The following RIPK1 variants were observed in gnomAD, a reference collection of about 807,000 sequenced individuals.
RIPK1 encodes the protein receptor-interacting serine/threonine-protein kinase 1.
A neutral mutation model predicts 62.4 loss-of-function variants in RIPK1; 27 were observed. That is an observed-to-expected ratio of 0.43 (90% CI 0.32 to 0.60). RIPK1 has a LOEUF of 0.60. RIPK1 is among the 20% of genes least tolerant of loss of function. RIPK1 has a pLI of 0.07. For synonymous variants in RIPK1, 287 were observed against 303.2 expected, an observed-to-expected ratio of 0.95 and a Z score of 0.55; for missense variants, 735 against 831.0, an observed-to-expected ratio of 0.88 and a Z score of 1.42.
At chr6:3,084,730 A>T (rs1464287652) in intron 5 of RIPK1, among the ~76,000 whole-genome samples, 1 of 151,808 alleles carries the variant, frequency 6.6e-6, no homozygotes, top group East Asian at 1.9e-4. Flanking sequence ...AGTAGCTGGG[A>T]CTACAGGTGC....
In RIPK1 at chr6:3,080,968, A is replaced by G; in HGVS notation, c.322-11A>G. 1 of 1,612,152 alleles carries G rather than the reference A, an allele frequency of 6.2e-7. No homozygotes were observed. The highest frequency in any genetic ancestry group is 8.5e-7 in the Non-Finnish European group (1 of 1,178,892). On this transcript the variant is annotated splice_polypyrimidine_tract_variant and intron_variant, in intron 3 of 10. Transcript: ENST00000259808. Reference sequence around the variant, plus strand: ...CTTTCCATTTCATAGACTTAATATCACTTGTTTTAGATGAGTACTCCGCTT... The same window carrying G: ...CTTTCCATTTCATAGACTTAATATCGCTTGTTTTAGATGAGTACTCCGCTT...
At chr6:3,094,035 T>C (rs1760127976) in intron 7 of RIPK1, among the ~76,000 whole-genome samples, 1 of 143,034 alleles carries the variant, frequency 7.0e-6, no homozygotes. Flanking sequence ...CTGCCGCACC[T>C]AGTAACTGCA....
rs111669281 is a variant in RIPK1, at chr6:3,096,665, T to A, written c.915+7008T>A. ...AGCTCTGCCTCCTGGGTTCATACAA[T>A]TCTCCTGCCTCAGTCTCCTGAGTAG... On this transcript the variant is annotated intron_variant, in intron 7 of 10. Transcript: ENST00000259808. Among the ~76,000 whole-genome samples, 793 of 144,538 alleles carry A rather than the reference T, an allele frequency of 5.5e-3. 7 individuals are homozygous for A. The highest frequency in any genetic ancestry group is 0.02 in the African/African-American group (777 of 39,638). The allele number at this position is 144,538 out of a possible 152,430, so 94.8% of individuals were successfully genotyped here. A position where few individuals can be genotyped will look rare whatever the true frequency, so the allele number is the denominator to read the frequency against.
chr6:3,071,776 C>T (rs1561742942), intron 1 of RIPK1, among the ~76,000 whole-genome samples: 1 of 152,194 alleles, frequency 6.6e-6, no homozygotes, highest in Admixed American at 6.5e-5. Context: ...TCCCAAAGTC[C>T]AGTGGACCCA....
At chr6:3,106,270 G>A (rs545068012) in intron 9 of RIPK1, among the ~76,000 whole-genome samples, 2 of 152,192 alleles carry the variant, frequency 1.3e-5, no homozygotes, top group East Asian at 1.9e-4. Context: ...CGCAAGCATC[G>A]GGTTACAGGT....
At chr6:3,099,915 T>C (rs757835952) in intron 7 of RIPK1, among the ~76,000 whole-genome samples, 29 of 152,210 alleles carry the variant, frequency 1.9e-4, no homozygotes, top group Non-Finnish European at 3.7e-4. Context: ...TGCACCTTAG[T>C]TTATAAGAGT....
intron 7 of RIPK1, among the ~76,000 whole-genome samples, chr6:3,101,640 A>G (rs1244198215): frequency 6.6e-6 from 1 of 152,092 alleles, no homozygotes; most frequent in South Asian, 2.1e-4. Context: ...GAAAAAAAAA[A>G]CTTGAAGGAA....
chr6:3,108,503 C>A (rs192764268), intron 9 of RIPK1, among the ~76,000 whole-genome samples: 1 of 152,108 alleles, frequency 6.6e-6, no homozygotes, highest in Admixed American at 6.5e-5. Flanking sequence ...CATGTAAGCC[C>A]GCGGTGAGCG....
intron 1 of RIPK1, among the ~76,000 whole-genome samples, chr6:3,075,297 A>T (rs1201106660): frequency 6.6e-6 from 1 of 152,076 alleles, no homozygotes; most frequent in Non-Finnish European, 1.5e-5. Context: ...ATGGGTTTTT[A>T]TTCTATATTT....
Position 3,087,786 on chromosome 6 carries a change from GCC to G in RIPK1, c.839-1794_839-1793del, listed in dbSNP as rs1388286280. Among the ~76,000 whole-genome samples the G allele has an allele frequency of 5.9e-5, 3 of 51,146 alleles. No individual in the cohort carries two copies. In the East Asian group the frequency reaches 1.6e-3, roughly 28 times the overall value. 33.6% of individuals were successfully genotyped at this position (51,146 alleles called of 152,430 possible). A position where few individuals can be genotyped will look rare whatever the true frequency, so the allele number is the denominator to read the frequency against. Reference sequence around the variant, plus strand: ...CATCTCCTGACCTTGTGATCAGCCCGCCTCGGCCTCCCAAAGTGTGGGATTAC... The same window carrying G: ...CATCTCCTGACCTTGTGATCAGCCCGTCGGCCTCCCAAAGTGTGGGATTAC... On this transcript the variant is annotated intron_variant, in intron 6 of 10. Coordinates refer to ENST00000259808, the MANE Select transcript of RIPK1 (RefSeq NM_001354930.2).
intron 7 of RIPK1, among the ~76,000 whole-genome samples, chr6:3,100,354 G>A (rs1285714598): frequency 6.6e-6 from 1 of 152,004 alleles, no homozygotes; most frequent in Non-Finnish European, 1.5e-5. Flanking sequence ...AACCCGGGAG[G>A]TGGAGGTTGC....
At position 3,104,268 on chromosome 6, in the gene RIPK1, C is replaced by T; in HGVS notation, c.959C>T (p.Ser320Phe). 1 of 1,605,216 alleles carries T rather than the reference C, an allele frequency of 6.2e-7. No homozygotes were observed. The change falls in exon 8 of 11, where the codon TCT becomes TTT. Residue 320 changes from serine to phenylalanine, a missense_variant. By Grantham distance (155) the Ser-to-Phe change is radical. Around this residue, in one of 2 missense-constraint regions of RIPK1, gnomAD observed 671 missense variants for 726.2 expected, o/e 0.92. Coordinates refer to ENST00000259808, the MANE Select transcript of RIPK1 (RefSeq NM_001354930.2). ...NENAVVKRMQ[S>F]LQLDCVAVPS... ...AATGCAGTTGTGAAGAGAATGCAGTCTCTTCAACTTGATTGTGTGGCAGTA... is the reference window on the plus strand; with the variant it reads ...AATGCAGTTGTGAAGAGAATGCAGTTTCTTCAACTTGATTGTGTGGCAGTA...
At chr6:3,090,682 G>C (rs950200763) in intron 7 of RIPK1, among the ~76,000 whole-genome samples, 6 of 152,076 alleles carry the variant, frequency 3.9e-5, no homozygotes, top group African/African-American at 1.5e-4. Context: ...AATCAGTAAG[G>C]ATATAGAAGA....
chr6:3,067,535 G>A (rs1402380458), upstream of RIPK1, among the ~76,000 whole-genome samples: 2 of 151,896 alleles, frequency 1.3e-5, no homozygotes, highest in Non-Finnish European at 2.9e-5. Context: ...TGAGGTGTAT[G>A]TTCAGAGCTT....
At chr6:3,082,923 A>G (rs542132330) in intron 4 of RIPK1, among the ~76,000 whole-genome samples, 162 bp from the exon 5 acceptor site, 2 of 152,190 alleles carry the variant, frequency 1.3e-5, no homozygotes, top group Non-Finnish European at 1.5e-5. Flanking sequence ...CACAGTTTCT[A>G]TGAGTCTGTT....
upstream of RIPK1, among the ~76,000 whole-genome samples, chr6:3,065,603 C>T (rs1198405398): frequency 6.6e-6 from 1 of 151,628 alleles, no homozygotes; most frequent in African/African-American, 2.4e-5. Flanking sequence ...GAGTCAGGGT[C>T]TCATTTCCAA....
At position 3,101,367 on chromosome 6, in the gene RIPK1, A is replaced by G. The variant is rs547447575; in HGVS notation, c.916-2858A>G. Reference sequence around the variant, plus strand: ...CTCTTTGGGAGGACAAGCTGGGAGGATTGCTTGAGCCCAGGAGTTGGAGGT... The same window carrying G: ...CTCTTTGGGAGGACAAGCTGGGAGGGTTGCTTGAGCCCAGGAGTTGGAGGT... On this transcript the variant is annotated intron_variant, in intron 7 of 10. Coordinates refer to ENST00000259808, the MANE Select transcript of RIPK1 (RefSeq NM_001354930.2). Among the ~76,000 whole-genome samples, 3 of 152,362 alleles carry G rather than the reference A, an allele frequency of 2.0e-5. No homozygotes were observed. In the South Asian group the frequency reaches 6.2e-4, roughly 32 times the overall value.
chr6:3,073,903 C>G (rs901318199), intron 1 of RIPK1, among the ~76,000 whole-genome samples: 10 of 152,212 alleles, frequency 6.6e-5, no homozygotes, highest in Non-Finnish European at 1.5e-4. Context: ...GTCTTAACAC[C>G]GCTTGCTTCA....
chr6:3,089,690 CATAGCA>C (rs747730602), intron 7 of RIPK1, 33 bp downstream of exon 7: 1 of 1,142,672 alleles, frequency 8.8e-7, no homozygotes, highest in Admixed American at 2.0e-5. Context: ...AAAATATTAA[CATAGCA>C]AAATATATAC....
Sources: gnomAD v4.1 joint callset for allele counts (sites outside exome capture counted in the v4.1 genomes callset) on GRCh38, gnomAD v4.1.1 for gene constraint, gnomAD v4.1.1 regional missense constraint, MANE v1.5 for transcripts, NCBI Gene and HGNC (gene_info 2026-07-23, HGNC 2026-07-21) for gene names.